CACNA1D: variants seen among roughly 807,000 people sequenced by gnomAD.
The protein encoded by CACNA1D is voltage-dependent L-type calcium channel subunit alpha-1D.
In CACNA1D, 55 loss-of-function variants were observed where a neutral mutation model predicts 257.1. That is an observed-to-expected ratio of 0.21 (90% CI 0.17 to 0.27). The LOEUF (loss-of-function observed/expected upper bound fraction) is 0.27. Ranked by LOEUF, CACNA1D falls within the 10% of genes least tolerant of loss-of-function variation. The pLI is 1.00. For missense variants in CACNA1D, 1,876 were observed against 2,784.0 expected (o/e 0.67, Z 7.34); for synonymous variants, 980 against 1,014.9 (o/e 0.97, Z 0.65).
intron 3 of CACNA1D, among the ~76,000 whole-genome samples, chr3:53,648,759 T>C (rs1176552655): frequency 6.6e-6 from 1 of 151,192 alleles, no homozygotes; most frequent in African/African-American, 2.4e-5. Flanking sequence ...GGGGCATGAG[T>C]ATAGAGGTTG....
At chr3:53,625,614 T>C (rs1010508257) in intron 3 of CACNA1D, among the ~76,000 whole-genome samples, 1 of 152,192 alleles carries the variant, frequency 6.6e-6, no homozygotes, top group Admixed American at 6.5e-5. Context: ...GTTTGTAATA[T>C]AGTCAACTTT....
chr3:53,801,460 G>A (rs2106782176), intron 42 of CACNA1D, 35 bp downstream of exon 42: 2 of 1,610,950 alleles, frequency 1.2e-6, no homozygotes, highest in South Asian at 1.1e-5. Flanking sequence ...TTGCTCATGT[G>A]GTGTCTGCCC....
chr3:53,530,226 C>T (rs1330070081), intron 3 of CACNA1D: 1 of 152,140 alleles, frequency 6.6e-6, no homozygotes. Context: ...CGGTGGGTGA[C>T]AGGGAATTGG....
At chr3:53,652,851 A>C (rs1404190498) in intron 4 of CACNA1D, among the ~76,000 whole-genome samples, 2 of 152,232 alleles carry the variant, frequency 1.3e-5, no homozygotes, top group Non-Finnish European at 1.5e-5. Context: ...AAAATATTTA[A>C]ATATTTACTA....
At chr3:53,698,490 C>G (rs1366740166) in intron 8 of CACNA1D, among the ~76,000 whole-genome samples, 1 of 152,222 alleles carries the variant, frequency 6.6e-6, no homozygotes, top group East Asian at 1.9e-4. Flanking sequence ...TTGTCTTTCT[C>G]CTTCAGTCTG....
chr3:53,557,358 G>A (rs948968614), intron 3 of CACNA1D, among the ~76,000 whole-genome samples: 2 of 152,100 alleles, frequency 1.3e-5, no homozygotes, highest in African/African-American at 4.8e-5. Context: ...GCCGGGTGTG[G>A]TGGTGCATGC....
intron 8 of CACNA1D, among the ~76,000 whole-genome samples, chr3:53,693,206 C>T (rs1225613365): frequency 6.6e-6 from 1 of 152,138 alleles, no homozygotes; most frequent in Non-Finnish European, 1.5e-5. Flanking sequence ...GAATGCTGTC[C>T]CAGGCCAGCT....
chr3:53,650,980 GGT>G, intron 4 of CACNA1D, 62 bp downstream of exon 4: 14 of 1,428,122 alleles, frequency 9.8e-6, no homozygotes, highest in African/African-American at 1.4e-5. Context: ...GGTTGGGGGG[GGT>G]GGTGGTAACA....
intron 3 of CACNA1D, among the ~76,000 whole-genome samples, chr3:53,566,529 C>T (rs2092841843): frequency 6.6e-6 from 1 of 152,148 alleles, no homozygotes; most frequent in Non-Finnish European, 1.5e-5. Context: ...CACATATTCA[C>T]TGTCTGCCCT....
At chr3:53,721,545 A>G (rs1157615110) in intron 11 of CACNA1D, among the ~76,000 whole-genome samples, 3 of 152,224 alleles carry the variant, frequency 2.0e-5, no homozygotes, top group Non-Finnish European at 4.4e-5. Flanking sequence ...AGGCTAAGGG[A>G]GAGAATATTT....
In CACNA1D at chr3:53,753,646, C is replaced by T. The variant is rs772270451; in HGVS notation, c.3750C>T (p.Val1250=). ...LNMVFTGVFT[V]EMVLKVIAFK... ...TGGTCTTCACCGGGGTGTTCACCGT[C>T]GAGATGGTTTTGAAAGTCATCGCAT... The change falls in exon 29 of 48, where the codon GTC becomes GTT. Residue 1250 remains valine, a synonymous_variant. Coordinates refer to ENST00000350061, the MANE Select transcript of CACNA1D (RefSeq NM_001128840.3). 77 of 1,613,228 alleles carry T rather than the reference C, an allele frequency of 4.8e-5. No homozygotes were observed. The highest frequency in any genetic ancestry group is 1.6e-4 in the Middle Eastern group (1 of 6,080).
chr3:53,629,428 T>C (rs1215058930), intron 3 of CACNA1D, among the ~76,000 whole-genome samples: 2 of 152,230 alleles, frequency 1.3e-5, no homozygotes, highest in African/African-American at 4.8e-5. Flanking sequence ...GTTCAGGAAC[T>C]GAGTATCCAA....
Position 53,569,312 on chromosome 3 carries a change from C to T in CACNA1D, c.483+67592C>T, listed in dbSNP as rs149090271. On this transcript the variant is annotated intron_variant, in intron 3 of 47. Transcript: ENST00000350061. ...ATCCCTCTGCCCTTGGAGAGGCACG[C>T]CCTGTCCTACTTACCCTCCCAAGTG... Among the ~76,000 whole-genome samples, 571 of 152,330 alleles carry T rather than the reference C, an allele frequency of 3.7e-3. 7 individuals carry two copies. The highest frequency in any genetic ancestry group is 0.013 in the African/African-American group (551 of 41,576).
chr3:53,671,694 T>C (rs546194627), intron 7 of CACNA1D, among the ~76,000 whole-genome samples: 53 of 152,348 alleles, frequency 3.5e-4, no homozygotes, highest in African/African-American at 1.3e-3. Flanking sequence ...ATAAGGGATT[T>C]AATGCCCTCT....
At chr3:53,719,522 A>T (rs534469076) in intron 10 of CACNA1D, among the ~76,000 whole-genome samples, 1 of 152,232 alleles carries the variant, frequency 6.6e-6, no homozygotes, top group East Asian at 1.9e-4. Context: ...GCCTGCAGGG[A>T]ATCTGGCCGA....
At chr3:53,742,872 A>G (rs888807858) in intron 21 of CACNA1D, 139 bp from the exon 22 acceptor site, 1 of 707,554 alleles carries the variant, frequency 1.4e-6, no homozygotes. Context: ...CTGTGGCTCA[A>G]CCCCGTTGGT....
intron 39 of CACNA1D, among the ~76,000 whole-genome samples, chr3:53,783,448 A>G (rs898916669): frequency 3.3e-5 from 5 of 152,084 alleles, no homozygotes; most frequent in African/African-American, 1.2e-4. Context: ...TTTTCTCTCT[A>G]TTTCTTAAAA....
At chr3:53,514,899 C>T (rs546113636) in intron 3 of CACNA1D, among the ~76,000 whole-genome samples, 1 of 152,274 alleles carries the variant, frequency 6.6e-6, no homozygotes, top group South Asian at 2.1e-4. Context: ...GCATCTGTCC[C>T]ACCGAATAGC....
chr3:53,672,650 G>GA (rs1302302861), intron 7 of CACNA1D, among the ~76,000 whole-genome samples: 1 of 152,090 alleles, frequency 6.6e-6, no homozygotes, highest in Non-Finnish European at 1.5e-5. Flanking sequence ...GACCTTTCCT[G>GA]AAAATCACTT....
Sources: gnomAD v4.1 joint callset for allele counts (sites outside exome capture counted in the v4.1 genomes callset) on GRCh38, gnomAD v4.1.1 for gene constraint, MANE v1.5 for transcripts, NCBI Gene and HGNC (gene_info 2026-07-23, HGNC 2026-07-21) for gene names.